Variants in CPXM2 observed in about 807,000 individuals in gnomAD.
The protein encoded by CPXM2 is inactive carboxypeptidase-like protein X2.
CPXM2 carries 66 observed loss-of-function variants against 86.1 expected under a neutral mutation model. That is an observed-to-expected ratio of 0.77 (90% CI 0.63 to 0.94). CPXM2 has a LOEUF of 0.94. Among genes scored for constraint, CPXM2 ranks in the 40% least tolerant of loss-of-function variants. The pLI is 0.00. For missense variants in CPXM2, 948 were observed against 1,026.3 expected, an observed-to-expected ratio of 0.92 and a Z score of 1.04; for synonymous variants, 388 against 400.2, an observed-to-expected ratio of 0.97 and a Z score of 0.36.
chr10:123,761,319 G>A (rs911109027), intron 11 of CPXM2, among the ~76,000 whole-genome samples: 2 of 152,212 alleles, frequency 1.3e-5, no homozygotes, highest in African/African-American at 2.4e-5. Flanking sequence ...CACAGGTTCA[G>A]TCTGCAGCTC....
intron 2 of CPXM2, among the ~76,000 whole-genome samples, chr10:123,937,470 A>ACACAC (rs1491511876): frequency 4.5e-5 from 6 of 132,590 alleles, no homozygotes; most frequent in African/African-American, 1.4e-4. Context: ...ACAACAAAAC[A>ACACAC]ACACACACAC....
At chr10:123,818,836 C>A (rs1847866693) in intron 4 of CPXM2, among the ~76,000 whole-genome samples, 2 of 152,300 alleles carry the variant, frequency 1.3e-5, no homozygotes, top group African/African-American at 4.8e-5. Flanking sequence ...TGCTCTGAAT[C>A]AGCCTCCAAT....
intron 2 of CPXM2, among the ~76,000 whole-genome samples, chr10:123,916,276 G>A (rs974603229): frequency 6.6e-6 from 1 of 152,186 alleles, no homozygotes; most frequent in African/African-American, 2.4e-5. Context: ...GCGAGAGTAG[G>A]TGGTAGGATC....
intron 2 of CPXM2, among the ~76,000 whole-genome samples, chr10:123,921,439 T>C (rs79295019): frequency 1.6e-3 from 239 of 152,354 alleles, no homozygotes; most frequent in African/African-American, 5.3e-3. Context: ...TGCTTCACAA[T>C]TGATAAAATC....
At chr10:123,764,807 A>T (rs1219743) in intron 10 of CPXM2, among the ~76,000 whole-genome samples, 25,953 of 151,960 alleles carry the variant, frequency 0.17, 2,478 homozygotes, top group East Asian at 0.35. Context: ...TTAATTAATT[A>T]ATTTATTTAT....
At chr10:123,752,692 T>A in intron 13 of CPXM2, 1 of 863,856 alleles carries the variant, frequency 1.2e-6, no homozygotes, top group Non-Finnish European at 1.4e-6. Flanking sequence ...GGCATGGAAA[T>A]AAAGGAAGGA....
At chr10:123,763,064 G>A (rs1267017222) in intron 10 of CPXM2, among the ~76,000 whole-genome samples, 3 of 151,090 alleles carry the variant, frequency 2.0e-5, no homozygotes, top group African/African-American at 2.5e-5. Context: ...TATTTCACAC[G>A]GAGTCTTGCT....
chr10:123,815,019 C>T lies in CPXM2; in HGVS notation c.654-15820G>A, dbSNP rs187267733. 3.4e-3 allele frequency among the ~76,000 whole-genome samples: 520 copies of T among 152,062 alleles called. 1 individual carries two copies. Among genetic ancestry groups the T allele is most frequent in the Middle Eastern group, 0.01 (3 of 292 alleles). ...CAGCCTGGGCTACAGAGTGGGACCT[C>T]GTCTAAAAAAGAAAAAAGATTTATG... is the stretch of plus-strand genomic sequence containing the variant. On this transcript the variant is annotated intron_variant, in intron 4 of 13. Transcript: ENST00000241305.
intron 2 of CPXM2, among the ~76,000 whole-genome samples, chr10:123,929,698 A>G (rs532522226): frequency 7.5e-5 from 11 of 146,308 alleles, no homozygotes; most frequent in Admixed American, 2.1e-4. Context: ...TGCAAGCCTT[A>G]TTTTAAAATG....
At chr10:123,811,313 G>C (rs1013760490) in intron 4 of CPXM2, among the ~76,000 whole-genome samples, 1 of 151,844 alleles carries the variant, frequency 6.6e-6, no homozygotes, top group Non-Finnish European at 1.5e-5. Flanking sequence ...CTCACCCCAC[G>C]ACAGGCCCTG....
intron 3 of CPXM2, among the ~76,000 whole-genome samples, chr10:123,853,710 G>GC (rs1415784533): frequency 3.9e-5 from 6 of 152,200 alleles, no homozygotes; most frequent in Admixed American, 3.9e-4. Flanking sequence ...TTCGAGACCA[G>GC]CCCGGCCAAC....
intron 2 of CPXM2, among the ~76,000 whole-genome samples, chr10:123,926,551 C>T (rs765308024): frequency 6.6e-6 from 1 of 152,236 alleles, no homozygotes; most frequent in Non-Finnish European, 1.5e-5. Context: ...CCTTTTAAAA[C>T]TATTCACTTT....
chr10:123,864,174 C>A (rs1848925814), intron 2 of CPXM2, among the ~76,000 whole-genome samples: 1 of 152,150 alleles, frequency 6.6e-6, no homozygotes, highest in Non-Finnish European at 1.5e-5. Context: ...CTCAGCCTAT[C>A]CTGCCTTAGA....
At chr10:123,935,442 T>G (rs957639718) in intron 2 of CPXM2, among the ~76,000 whole-genome samples, 8 of 152,134 alleles carry the variant, frequency 5.3e-5, no homozygotes, top group Non-Finnish European at 1.2e-4. Context: ...AGCATCTGTC[T>G]CATGAAACCA....
intron 3 of CPXM2, among the ~76,000 whole-genome samples, chr10:123,855,733 C>T (rs1564799704): frequency 6.6e-6 from 1 of 152,220 alleles, no homozygotes; most frequent in African/African-American, 2.4e-5. Context: ...CTCCAAATAT[C>T]CCACCTCATT....
In CPXM2 at chr10:123,885,623, C is replaced by T. The variant is rs565858743; in HGVS notation, c.305-5314G>A. 1.5e-4 allele frequency among the ~76,000 whole-genome samples: 23 copies of T among 152,344 alleles called. No homozygotes were observed. ...TGCCAGCCAGATGTGGATGCCAGCC[C>T]TTCCAGTGGCCATCCAAAGAAACCC... On this transcript the variant is annotated intron_variant, in intron 1 of 13. Coordinates refer to ENST00000241305, the MANE Select transcript of CPXM2 (RefSeq NM_198148.3). The surrounding 1 kb of genome is among the most constrained non-coding windows in gnomAD (Gnocchi z 4.0).
intron 2 of CPXM2, among the ~76,000 whole-genome samples, chr10:123,871,014 C>CA (rs1387272989): frequency 6.6e-6 from 1 of 152,210 alleles, no homozygotes; most frequent in African/African-American, 2.4e-5. Context: ...AGGACACTCT[C>CA]AAAGAATCGG....
intron 2 of CPXM2, among the ~76,000 whole-genome samples, chr10:123,900,948 G>A (rs1945376446): frequency 6.6e-6 from 1 of 152,012 alleles, no homozygotes; most frequent in African/African-American, 2.4e-5. Context: ...TTTCATTCTA[G>A]AGTCAGCCCA....
intron 2 of CPXM2, among the ~76,000 whole-genome samples, chr10:123,909,063 A>G (rs7894665): frequency 0.1 from 15,382 of 152,258 alleles, 805 homozygotes; most frequent in East Asian, 0.19. Context: ...TTAAGAGGCA[A>G]TTCTGCCCTT....
Sources: allele counts gnomAD v4.1 joint callset (sites outside exome capture counted in the v4.1 genomes callset), GRCh38; gene constraint gnomAD v4.1.1; non-coding constraint Gnocchi (gnomAD v3.1); transcripts MANE v1.5; gene names NCBI Gene and HGNC (gene_info 2026-07-23, HGNC 2026-07-21).